POLA1: variants seen among roughly 807,000 people sequenced by gnomAD.
The protein encoded by POLA1 is DNA polymerase alpha catalytic subunit.
Under a neutral mutation model 124.0 loss-of-function variants are expected in POLA1, and 15 were observed. That is an observed-to-expected ratio of 0.12 (90% confidence interval 0.08 to 0.19). The LOEUF (loss-of-function observed/expected upper bound fraction) is 0.19, where lower values mean the gene tolerates loss of function less well. Ranked by LOEUF, POLA1 falls within the 10% of genes least tolerant of loss-of-function variation. The pLI, the probability that POLA1 is intolerant of heterozygous loss-of-function variation, is 1.00. For synonymous variants in POLA1, 408 were observed against 389.4 expected (o/e 1.05, Z -0.56); for missense variants, 886 against 1,103.4 (o/e 0.80, Z 2.79).
intron 26 of POLA1, chrX:24,789,147 A>G: frequency 1.1e-6 from 1 of 932,290 alleles, no homozygotes; most frequent in Non-Finnish European, 1.5e-6. Flanking sequence ...TAGTAGTGGA[A>G]GTCCTAGGCA....
intron 36 of POLA1, among the ~76,000 whole-genome samples, chrX:24,948,603 C>G (rs2047996759): frequency 9.0e-6 from 1 of 111,711 alleles, no homozygotes; most frequent in South Asian, 3.7e-4. Context: ...GCTGCAACTG[C>G]TGATTCCTTT....
chrX:24,970,140 A>G (rs940109439), intron 36 of POLA1, among the ~76,000 whole-genome samples: 3 of 112,371 alleles, frequency 2.7e-5, no homozygotes, highest in Non-Finnish European at 3.7e-5. Flanking sequence ...TAGAGAACTC[A>G]GAAATCAGAC....
At chrX:24,933,033 C>T (rs1260611856) in intron 36 of POLA1, among the ~76,000 whole-genome samples, 1 of 111,745 alleles carries the variant, frequency 8.9e-6, no homozygotes, top group Non-Finnish European at 1.9e-5. Context: ...ATCCATAGAT[C>T]CTATGTCCAC....
intron 4 of POLA1, among the ~76,000 whole-genome samples, chrX:24,706,516 C>G (rs754353461): frequency 8.9e-6 from 1 of 112,099 alleles, no homozygotes; most frequent in Non-Finnish European, 1.9e-5. Context: ...TTATATATGT[C>G]ATGAGTTCAT....
At chrX:24,751,319 G>A (rs752226791) in intron 26 of POLA1, among the ~76,000 whole-genome samples, 1 of 111,619 alleles carries the variant, frequency 9.0e-6, no homozygotes, top group African/African-American at 3.2e-5. Context: ...AAGGGCAATG[G>A]TTTTCTTTAG....
At chrX:24,768,308 TAAGG>T (rs772426097) in intron 26 of POLA1, among the ~76,000 whole-genome samples, 1 of 112,145 alleles carries the variant, frequency 8.9e-6, no homozygotes, top group South Asian at 3.7e-4. Flanking sequence ...ACAGAATTCT[TAAGG>T]AAGAGGATTG....
In POLA1 at chrX:24,780,716, C is replaced by T. The variant is rs1480633375; in HGVS notation, c.2965-29182C>T. On this transcript the variant is annotated intron_variant, in intron 26 of 36. Coordinates refer to ENST00000379068, the MANE Select transcript of POLA1 (RefSeq NM_001330360.2). ...ATTTTTGGATTTTTATTTACTAAAACGTTTAGAATTTTTACATGTATGTTT... is the reference window on the plus strand; with the variant it reads ...ATTTTTGGATTTTTATTTACTAAAATGTTTAGAATTTTTACATGTATGTTT... Among the ~76,000 whole-genome samples, 4 of 111,970 alleles carry T rather than the reference C, an allele frequency of 3.6e-5. No individual in the cohort carries two copies. In the East Asian group the frequency reaches 8.4e-4, roughly 24 times the overall value.
chrX:24,951,307 A>T (rs1034194983), intron 36 of POLA1, among the ~76,000 whole-genome samples: 5 of 92,809 alleles, frequency 5.4e-5, no homozygotes, highest in Non-Finnish European at 1.0e-4. Context: ...CAGTTTGATC[A>T]CTATACAGAT....
intron 36 of POLA1, among the ~76,000 whole-genome samples, chrX:24,951,323 C>G (rs1322608938): frequency 1.1e-5 from 1 of 92,980 alleles, no homozygotes; most frequent in Non-Finnish European, 2.1e-5. Flanking sequence ...CAGATACTCA[C>G]TTTCTTTAAA....
At chrX:24,780,122 A>G (rs768879210) in intron 26 of POLA1, among the ~76,000 whole-genome samples, 54 of 112,189 alleles carry the variant, frequency 4.8e-4, no homozygotes, top group African/African-American at 1.6e-3. Context: ...TTTTATATCT[A>G]TGTTCATCAG....
At chrX:24,933,342 A>T (rs1355454875) in intron 36 of POLA1, among the ~76,000 whole-genome samples, 10 of 112,097 alleles carry the variant, frequency 8.9e-5, no homozygotes, top group African/African-American at 2.6e-4. Context: ...AGTTGGAGTG[A>T]ATTCTCTTTT....
rs1040356507 is a variant in POLA1, at chrX:24,901,310, C to T, written c.4164+13188C>T. Among the ~76,000 whole-genome samples the T allele has an allele frequency of 3.6e-5, 4 of 110,766 alleles. No individual in the cohort carries two copies. The Admixed American group carries it at 3.9e-4, about 11-fold the overall frequency. On this transcript the variant is annotated intron_variant, in intron 35 of 36. Transcript: ENST00000379068. The stretch of plus-strand genomic sequence containing the variant: ...GGCCAGAGGGATGTGAAACAGTGGG[C>T]CTTGCAGATATGAAGAGGAAGGGCA...
chrX:24,846,339 A>G (rs1286232508), intron 34 of POLA1, among the ~76,000 whole-genome samples: 1 of 111,533 alleles, frequency 9.0e-6, no homozygotes, highest in Non-Finnish European at 1.9e-5. Flanking sequence ...GCACTGAGCC[A>G]GGATATTTTA....
At chrX:24,759,306 A>G (rs748520230) in intron 26 of POLA1, among the ~76,000 whole-genome samples, 2 of 112,424 alleles carry the variant, frequency 1.8e-5, no homozygotes, top group Non-Finnish European at 3.8e-5. Flanking sequence ...ATTTTGTATT[A>G]ACACAAAACA....
In POLA1 at chrX:24,941,849, C is replaced by CTT. The variant is rs2047911457; in HGVS notation, c.4261+11301_4261+11302insTT. On this transcript the variant is annotated intron_variant, in intron 36 of 36. Coordinates refer to ENST00000379068, the MANE Select transcript of POLA1 (RefSeq NM_001330360.2). Reference sequence around the variant, plus strand: ...GCCCTGCAAGCCCTAGCACCATCCCCTAGAGCTTAAGGCTTAAACTAGTTC... The same window carrying CTT: ...GCCCTGCAAGCCCTAGCACCATCCCCTTTAGAGCTTAAGGCTTAAACTAGTTC... 2.7e-5 allele frequency among the ~76,000 whole-genome samples: 3 copies of CTT among 112,203 alleles called. No individual in the cohort carries two copies. In the South Asian group the frequency reaches 1.1e-3, roughly 43 times the overall value.
At chrX:24,869,726 G>A (rs1410273318) in intron 34 of POLA1, among the ~76,000 whole-genome samples, 1 of 111,533 alleles carries the variant, frequency 9.0e-6, no homozygotes, top group African/African-American at 3.3e-5. Flanking sequence ...CTGAGGTGGT[G>A]GCCTTCTGTC....
intron 26 of POLA1, among the ~76,000 whole-genome samples, chrX:24,806,716 G>C (rs1396008092): frequency 8.9e-6 from 1 of 111,996 alleles, no homozygotes; most frequent in Non-Finnish European, 1.9e-5. Context: ...CTTTGACCCA[G>C]CACACCCACT....
chrX:24,852,824 C>T (rs1001707102), intron 34 of POLA1, among the ~76,000 whole-genome samples: 1 of 111,537 alleles, frequency 9.0e-6, no homozygotes, highest in Non-Finnish European at 1.9e-5. Context: ...GGTTTCTTGG[C>T]TGTTTGAGGA....
intron 26 of POLA1, among the ~76,000 whole-genome samples, chrX:24,795,369 C>A (rs1415376238): frequency 1.8e-5 from 2 of 111,609 alleles, no homozygotes; most frequent in Non-Finnish European, 3.8e-5. Flanking sequence ...TTCCCAGTCT[C>A]CTGTGAATTT....
Sources: allele counts gnomAD v4.1 joint callset (sites outside exome capture counted in the v4.1 genomes callset), GRCh38; gene constraint gnomAD v4.1.1; transcripts MANE v1.5; gene names NCBI Gene and HGNC (gene_info 2026-07-23, HGNC 2026-07-21).